CELF2: variants seen among roughly 807,000 people sequenced by gnomAD.
CELF2 encodes CUGBP Elav-like family member 2.
In CELF2, 8 loss-of-function variants were observed where a neutral mutation model predicts 62.6. The ratio of observed to expected loss-of-function variants is 0.13; its 90% CI spans 0.07 to 0.23. CELF2 has a LOEUF of 0.23. Ranked by LOEUF, CELF2 falls within the 10% of genes least tolerant of loss-of-function variation. The probability of loss-of-function intolerance (pLI) is 1.00; values close to 1 mark genes in which losing one functional copy is unlikely to be tolerated. For missense variants in CELF2, 333 were observed against 671.0 expected (o/e 0.50, Z 5.56); for synonymous variants, 258 against 250.0 (o/e 1.03, Z -0.30).
intron 1 of CELF2, among the ~76,000 whole-genome samples, chr10:10,861,609 T>A (rs966066687): frequency 6.6e-6 from 1 of 152,214 alleles, no homozygotes; most frequent in Admixed American, 6.5e-5. Flanking sequence ...CCAGCCATTT[T>A]AATCACCACC....
the CELF2 span, among the ~76,000 whole-genome samples, chr10:10,555,169 A>C: frequency 6.6e-6 from 1 of 152,214 alleles, no homozygotes; most frequent in African/African-American, 2.4e-5. Flanking sequence ...CCCAGAGGAT[A>C]GAGGTAAGTC....
intron 1 of CELF2, among the ~76,000 whole-genome samples, chr10:11,091,089 A>C (rs1172856457): frequency 6.6e-6 from 1 of 152,182 alleles, no homozygotes; most frequent in African/African-American, 2.4e-5. Context: ...GAATAGGATG[A>C]TTTCAAGAAA....
chr10:10,620,357 C>T, the CELF2 span, among the ~76,000 whole-genome samples: 3 of 149,780 alleles, frequency 2.0e-5, no homozygotes, highest in Non-Finnish European at 3.0e-5. Flanking sequence ...GCAGGAGAAT[C>T]GCTTGAACCC....
Position 11,117,328 on chromosome 10 carries a change from C to T in CELF2, c.75-48158C>T, listed in dbSNP as rs1595602100. ...TTTCTGAGTTGCTTTCTTCATTCAACGGGTGTAACAATATAAATCCTGCTG... is the reference window on the plus strand; with the variant it reads ...TTTCTGAGTTGCTTTCTTCATTCAATGGGTGTAACAATATAAATCCTGCTG... On this transcript the variant is annotated intron_variant, in intron 1 of 12. Coordinates refer to ENST00000633077, the MANE Select transcript of CELF2 (RefSeq NM_001326342.2). The surrounding 1 kb of genome is among the most constrained non-coding windows in gnomAD (Gnocchi z 4.1). 6.6e-6 allele frequency among the ~76,000 whole-genome samples: 1 copy of T among 152,160 alleles called. No individual in the cohort carries two copies. Among genetic ancestry groups the T allele is most frequent in the Non-Finnish European group, 1.5e-5 (1 of 68,030 alleles).
At position 11,314,179 on chromosome 10, in the gene CELF2, G is replaced by C. The variant is rs1473402034; in HGVS notation, c.1017G>C (p.Met339Ile). The C allele has an allele frequency of 1.2e-6, 2 of 1,613,948 alleles. No individual in the cohort carries two copies. Among genetic ancestry groups the C allele is most frequent in the Non-Finnish European group, 1.7e-6 (2 of 1,179,874 alleles). The change falls in exon 10 of 13, where the codon ATG becomes ATC. Residue 339 changes from methionine (M) to isoleucine (I), a missense_variant. Coordinates refer to ENST00000633077, the MANE Select transcript of CELF2 (RefSeq NM_001326342.2). The surrounding 1 kb of genome is among the most constrained non-coding windows in gnomAD (Gnocchi z 5.3). ...CCAACTCCACTGCTGGTGCAGCCAT[G>C]AACTCCTTGACCTCTCTCGGGACTC... is the stretch of plus-strand genomic sequence containing the variant. ...STPNSTAGAA[M>I]NSLTSLGTLQ...
In CELF2 at chr10:11,117,360, CA is replaced by C. The variant is rs763184210; in HGVS notation, c.75-48122del. 3.9e-5 allele frequency among the ~76,000 whole-genome samples: 6 copies of C among 152,166 alleles called. No homozygotes were observed. Among genetic ancestry groups the C allele is most frequent in the Non-Finnish European group, 7.4e-5 (5 of 68,016 alleles). On this transcript the variant is annotated intron_variant, in intron 1 of 12. Transcript: ENST00000633077. This position sits in a 1 kb window ranked among gnomAD's most constrained non-coding sequence, Gnocchi z 4.1. ...AACAATATAAATCCTGCTGATTTCACAAAAGTCAAAATGTTTTGCCCTGTAG... is the reference window on the plus strand; with the variant it reads ...AACAATATAAATCCTGCTGATTTCACAAAGTCAAAATGTTTTGCCCTGTAG...
At chr10:10,556,997 G>C in the CELF2 span, among the ~76,000 whole-genome samples, 25 of 147,560 alleles carry the variant, frequency 1.7e-4, no homozygotes, top group East Asian at 1.6e-3. Flanking sequence ...TGTTCACTCT[G>C]ATGGTAGTTT....
At chr10:10,830,310 A>G (rs901360851) in intron 1 of CELF2, among the ~76,000 whole-genome samples, 3 of 150,898 alleles carry the variant, frequency 2.0e-5, no homozygotes, top group East Asian at 3.9e-4. Context: ...CGACAGAAGG[A>G]TACTGTAGAA....
intron 2 of CELF2, among the ~76,000 whole-genome samples, chr10:10,968,462 T>G (rs960669368): frequency 2.0e-5 from 3 of 152,196 alleles, no homozygotes; most frequent in African/African-American, 7.2e-5. Flanking sequence ...TTTCTCCTGT[T>G]GTCGAAATGG....
chr10:11,051,720 C>T (rs372160554), intron 1 of CELF2, among the ~76,000 whole-genome samples: 9 of 152,034 alleles, frequency 5.9e-5, no homozygotes, highest in African/African-American at 1.5e-4. Flanking sequence ...ACAGGGGACC[C>T]GATTTGACTG....
intron 1 of CELF2, among the ~76,000 whole-genome samples, chr10:10,812,803 G>T (rs928863270): frequency 1.3e-5 from 2 of 152,118 alleles, no homozygotes; most frequent in Non-Finnish European, 2.9e-5. Context: ...CATTAATAGG[G>T]TGTCAATGTC....
chr10:11,125,979 T>C (rs533377816), intron 1 of CELF2, among the ~76,000 whole-genome samples: 1 of 152,218 alleles, frequency 6.6e-6, no homozygotes, highest in Non-Finnish European at 1.5e-5. Context: ...TAATTTTTAG[T>C]GTATTTCCTC....
At chr10:11,272,952 G>A (rs1335539551) in intron 7 of CELF2, among the ~76,000 whole-genome samples, 1 of 152,138 alleles carries the variant, frequency 6.6e-6, no homozygotes, top group Non-Finnish European at 1.5e-5. Flanking sequence ...AGTTGCAGTT[G>A]ATAAGCGCAA....
intron 1 of CELF2, among the ~76,000 whole-genome samples, chr10:10,906,379 A>G (rs1277369889): frequency 3.3e-5 from 5 of 152,194 alleles, no homozygotes; most frequent in African/African-American, 7.2e-5. Flanking sequence ...TGCGCCAGCC[A>G]CTCACTGTCC....
the CELF2 span, among the ~76,000 whole-genome samples, chr10:10,765,942 C>T: frequency 6.6e-6 from 1 of 152,148 alleles, no homozygotes; most frequent in African/African-American, 2.4e-5. Context: ...GCACACTGGG[C>T]CAGACACAAG....
At chr10:11,042,832 GT>G (rs1272112986) in intron 1 of CELF2, among the ~76,000 whole-genome samples, 1 of 152,024 alleles carries the variant, frequency 6.6e-6, no homozygotes, top group East Asian at 1.9e-4. Flanking sequence ...AACTTATGAT[GT>G]TTTTGGAGAT....
intron 1 of CELF2, among the ~76,000 whole-genome samples, chr10:11,094,030 T>C (rs888977687): frequency 2.0e-5 from 3 of 152,238 alleles, no homozygotes; most frequent in Admixed American, 6.5e-5. Context: ...ACAGTCGATA[T>C]GAGTTCTCGG....
In CELF2 at chr10:11,318,499, C is replaced by T. The variant is rs554308626; in HGVS notation, c.1097-2690C>T. On this transcript the variant is annotated intron_variant, in intron 10 of 12. Coordinates refer to ENST00000633077, the MANE Select transcript of CELF2 (RefSeq NM_001326342.2). This position sits in a 1 kb window ranked among gnomAD's most constrained non-coding sequence, Gnocchi z 5.4. ...TGCACAGCACCAGCAGAAGTAAACA[C>T]GACCCTTCCAGAAAGCAGATTAGCT... 6.3e-5 allele frequency: 22 copies of T among 347,400 alleles called. No individual in the cohort carries two copies. Among genetic ancestry groups the T allele is most frequent in the South Asian group, 1.5e-4 (7 of 45,358 alleles). The allele number at this position is 347,400 out of a possible 1,614,324, so 21.5% of individuals were successfully genotyped here.
chr10:10,759,133 T>A, the CELF2 span, among the ~76,000 whole-genome samples: 1 of 152,106 alleles, frequency 6.6e-6, no homozygotes, highest in South Asian at 2.1e-4. Context: ...AAGCATAGCA[T>A]GCAAATGCAT....
Sources: gnomAD v4.1 joint callset for allele counts (sites outside exome capture counted in the v4.1 genomes callset) on GRCh38, gnomAD v4.1.1 for gene constraint, Gnocchi (gnomAD v3.1) non-coding constraint, MANE v1.5 for transcripts, NCBI Gene and HGNC (gene_info 2026-07-23, HGNC 2026-07-21) for gene names.